Variants in MGAT4C observed in about 807,000 individuals in gnomAD.
MGAT4C encodes alpha-1,3-mannosyl-glycoprotein 4-beta-N-acetylglucosaminyltransferase C.
In MGAT4C, 19 loss-of-function variants were observed where a neutral mutation model predicts 40.1. The ratio of observed to expected loss-of-function variants is 0.47; its 90% confidence interval spans 0.33 to 0.70. The LOEUF (loss-of-function observed/expected upper bound fraction) is 0.70. Ranked by LOEUF, MGAT4C falls within the 30% of genes least tolerant of loss-of-function variation. MGAT4C has a pLI of 0.02. For synonymous variants in MGAT4C, 181 were observed against 187.1 expected, an observed-to-expected ratio of 0.97 and a Z score of 0.27; for missense variants, 491 against 563.2, an observed-to-expected ratio of 0.87 and a Z score of 1.30.
intron 1 of MGAT4C, among the ~76,000 whole-genome samples, chr12:86,162,261 T>C (rs1385298064): frequency 6.6e-6 from 1 of 152,118 alleles, no homozygotes; most frequent in Admixed American, 6.6e-5. Flanking sequence ...CCATCAATAA[T>C]AGACTGGATA....
intron 2 of MGAT4C, among the ~76,000 whole-genome samples, chr12:86,666,720 G>GT (rs1467354841): frequency 6.6e-6 from 1 of 152,056 alleles, no homozygotes; most frequent in Non-Finnish European, 1.5e-5. Flanking sequence ...AAGATTTCAA[G>GT]TTTTTTTCCT....
chr12:86,226,002 G>T (rs1051862482), intron 1 of MGAT4C, among the ~76,000 whole-genome samples: 3 of 151,734 alleles, frequency 2.0e-5, no homozygotes, highest in African/African-American at 4.8e-5. Flanking sequence ...GAAGTCAATT[G>T]TATCTCTTCA....
chr12:86,731,273 T>C (rs1950902608), intron 1 of MGAT4C, among the ~76,000 whole-genome samples: 2 of 152,158 alleles, frequency 1.3e-5, no homozygotes, highest in Admixed American at 6.6e-5. Context: ...TCAGAGCTTA[T>C]GATATTATCA....
At chr12:86,811,504 G>A (rs1952474120) in intron 1 of MGAT4C, among the ~76,000 whole-genome samples, 1 of 150,636 alleles carries the variant, frequency 6.6e-6, no homozygotes, top group Admixed American at 6.7e-5. Flanking sequence ...ACCACGCCCA[G>A]CAAATTTTTG....
chr12:86,639,112 C>T (rs1171355257), intron 2 of MGAT4C, among the ~76,000 whole-genome samples: 2 of 151,666 alleles, frequency 1.3e-5, no homozygotes, highest in Non-Finnish European at 3.0e-5. Flanking sequence ...GCCTCTTCAC[C>T]TTTTGGGACA....
At chr12:86,123,757 C>A (rs942420572) in intron 1 of MGAT4C, among the ~76,000 whole-genome samples, 12 of 151,982 alleles carry the variant, frequency 7.9e-5, no homozygotes, top group African/African-American at 2.9e-4. Flanking sequence ...TTCAATTATT[C>A]CAGCAACTCA....
chr12:85,960,858 T>G lies in MGAT4C; in HGVS notation c.*18431A>C, dbSNP rs59669640. On this transcript the variant is annotated 3_prime_UTR_variant, in exon 5 of 5. Coordinates refer to ENST00000611864, the MANE Select transcript of MGAT4C (RefSeq NM_001351288.2). Reference sequence around the variant, plus strand: ...CTCTTACCACTGATTTGATTGATACTGAGCCTGTAAATATTTATTTATATG... The same window carrying G: ...CTCTTACCACTGATTTGATTGATACGGAGCCTGTAAATATTTATTTATATG... The G allele has an allele frequency of 2.7e-3, 414 of 152,124 alleles. 1 individual carries two copies. Among genetic ancestry groups the G allele is most frequent in the African/African-American group, 9.7e-3 (404 of 41,566 alleles). 9.4% of individuals were successfully genotyped at this position (152,124 alleles called of 1,614,324 possible). A position where few individuals can be genotyped will look rare whatever the true frequency, so the allele number is the denominator to read the frequency against.
chr12:86,480,788 T>C (rs1957925093), intron 2 of MGAT4C, among the ~76,000 whole-genome samples: 1 of 151,844 alleles, frequency 6.6e-6, no homozygotes, highest in Non-Finnish European at 1.5e-5. Context: ...AGGTGCTAAA[T>C]GATTTTTATT....
intron 2 of MGAT4C, among the ~76,000 whole-genome samples, chr12:86,503,787 C>CATATATATAT (rs10679798): frequency 0.16 from 2,572 of 15,742 alleles, 1,012 homozygotes; most frequent in Non-Finnish European, 0.23. Flanking sequence ...GAGTTCTGCT[C>CATATATATAT]ATATATATAT....
At chr12:86,128,834 T>G (rs951991909) in intron 1 of MGAT4C, among the ~76,000 whole-genome samples, 14 of 152,210 alleles carry the variant, frequency 9.2e-5, no homozygotes, top group Admixed American at 2.6e-4. Flanking sequence ...TTAATCCATC[T>G]TGAGTTGATT....
chr12:86,082,748 T>A (rs1394803432), intron 1 of MGAT4C, among the ~76,000 whole-genome samples: 2 of 152,128 alleles, frequency 1.3e-5, no homozygotes, highest in Admixed American at 1.3e-4. Flanking sequence ...AAATTAGTGT[T>A]ATGGGAAAAT....
At chr12:86,602,247 G>C (rs953147564) in intron 2 of MGAT4C, among the ~76,000 whole-genome samples, 1 of 152,148 alleles carries the variant, frequency 6.6e-6, no homozygotes, top group African/African-American at 2.4e-5. Context: ...AACAAGCCCA[G>C]CAGGCACGGA....
chr12:86,378,474 G>T (rs1565717456), intron 3 of MGAT4C, among the ~76,000 whole-genome samples: 1 of 152,084 alleles, frequency 6.6e-6, no homozygotes, highest in African/African-American at 2.4e-5. Context: ...CTTAAAGTTT[G>T]TAAATTCATA....
intron 2 of MGAT4C, among the ~76,000 whole-genome samples, chr12:86,588,804 T>C (rs1433343656): frequency 2.0e-5 from 3 of 151,696 alleles, no homozygotes; most frequent in Non-Finnish European, 4.4e-5. Context: ...GAATGACTAC[T>C]GGGTACATAA....
chr12:86,353,813 T>C (rs1030759703), intron 3 of MGAT4C, among the ~76,000 whole-genome samples: 9 of 151,986 alleles, frequency 5.9e-5, no homozygotes, highest in Non-Finnish European at 1.2e-4. Context: ...CTCTCTCTCT[T>C]TCTCTTCTCT....
intron 4 of MGAT4C, among the ~76,000 whole-genome samples, chr12:86,329,362 G>T (rs908394317): frequency 6.6e-6 from 1 of 152,098 alleles, no homozygotes; most frequent in African/African-American, 2.4e-5. Context: ...TTACATATCA[G>T]CAGAATCCCA....
At chr12:85,995,909 T>C (rs1592640150) in intron 2 of MGAT4C, among the ~76,000 whole-genome samples, 1 of 152,138 alleles carries the variant, frequency 6.6e-6, no homozygotes, top group East Asian at 1.9e-4. Context: ...CAGAAGCATA[T>C]TACCTTAGTA....
At chr12:86,590,922 T>C (rs1238349903) in intron 2 of MGAT4C, among the ~76,000 whole-genome samples, 1 of 151,998 alleles carries the variant, frequency 6.6e-6, no homozygotes, top group African/African-American at 2.4e-5. Flanking sequence ...AGAAGGCCTA[T>C]TTTCAGCACT....
intron 3 of MGAT4C, among the ~76,000 whole-genome samples, chr12:86,424,621 T>G (rs556550526): frequency 2.0e-5 from 3 of 152,302 alleles, no homozygotes; most frequent in African/African-American, 7.2e-5. Flanking sequence ...TGGGGATGGC[T>G]GGGCAGCATG....
Sources: allele counts gnomAD v4.1 joint callset (sites outside exome capture counted in the v4.1 genomes callset), GRCh38; gene constraint gnomAD v4.1.1; transcripts MANE v1.5; gene names NCBI Gene and HGNC (gene_info 2026-07-23, HGNC 2026-07-21).